ZBBX: variants seen among roughly 807,000 people sequenced by gnomAD.
ZBBX encodes zinc finger B-box domain-containing protein 1.
In ZBBX, 101 loss-of-function variants were observed where a neutral mutation model predicts 108.5. That is an observed-to-expected ratio of 0.93 (90% CI 0.79 to 1.10). The LOEUF (loss-of-function observed/expected upper bound fraction) is 1.10. Ranked by LOEUF, ZBBX falls within the 50% of genes least tolerant of loss-of-function variation. ZBBX has a pLI of 0.00. For synonymous variants in ZBBX, 356 were observed against 323.4 expected, an observed-to-expected ratio of 1.10 and a Z score of -1.08; for missense variants, 1,009 against 941.4, an observed-to-expected ratio of 1.07 and a Z score of -0.94.
chr3:167,386,708 A>G (rs1438782752), intron 1 of ZBBX, among the ~76,000 whole-genome samples: 1 of 152,052 alleles, frequency 6.6e-6, no homozygotes, highest in Non-Finnish European at 1.5e-5. Context: ...AAAAAGAAAA[A>G]AGCTGGCATT....
At chr3:167,365,461 T>C (rs956431265) in intron 6 of ZBBX, among the ~76,000 whole-genome samples, 1 of 151,732 alleles carries the variant, frequency 6.6e-6, no homozygotes, top group Non-Finnish European at 1.5e-5. Flanking sequence ...GAATCAACAG[T>C]ATATGAATAA....
At position 167,301,612 on chromosome 3, in the gene ZBBX, C is replaced by T. The variant is rs548484436; in HGVS notation, c.1726-3154G>A. 2.6e-5 allele frequency among the ~76,000 whole-genome samples: 4 copies of T among 152,166 alleles called. No individual in the cohort carries two copies. The East Asian group carries it at 7.7e-4, about 29-fold the overall frequency. On this transcript the variant is annotated intron_variant, in intron 17 of 21. Transcript: ENST00000675490. ...ACATTATTTACCTGTGATGTTTTTG[C>T]TTACATTCAGTTCTAAATATTTCTA...
chr3:167,271,952 C>A (rs141556190), intron 20 of ZBBX, among the ~76,000 whole-genome samples: 2,128 of 152,328 alleles, frequency 0.014, 26 homozygotes, highest in South Asian at 0.026. Context: ...CTGACTCAGA[C>A]AATGGAACCC....
At chr3:167,328,489 G>T (rs920506875) in intron 10 of ZBBX, among the ~76,000 whole-genome samples, 58 of 150,960 alleles carry the variant, frequency 3.8e-4, no homozygotes, top group African/African-American at 1.2e-3. Flanking sequence ...AAAAAACAGG[G>T]TTTTTTTTTA....
intron 20 of ZBBX, among the ~76,000 whole-genome samples, chr3:167,277,706 C>A (rs550501714): frequency 6.6e-6 from 1 of 152,076 alleles, no homozygotes; most frequent in African/African-American, 2.4e-5. Context: ...AGAAAGTCAA[C>A]AAGGATACCC....
rs975345169 is a variant in ZBBX at position 167,403,565 on chromosome 3, C to T, written c.-446+4161G>A. Among the ~76,000 whole-genome samples the T allele has an allele frequency of 4.6e-5, 7 of 151,988 alleles. No individual in the cohort carries two copies. In the South Asian group the frequency reaches 1.0e-3, roughly 22 times the overall value. On this transcript the variant is annotated intron_variant, in intron 1 of 21. Transcript: ENST00000455345. ...TTTCTCCTAATTTGTTTGAAAGACA[C>T]TTCACTATTTAAAATGAAACATTTA...
At chr3:167,218,694 A>G in the ZBBX span, among the ~76,000 whole-genome samples, 1 of 152,152 alleles carries the variant, frequency 6.6e-6, no homozygotes, top group Non-Finnish European at 1.5e-5. Flanking sequence ...ACTAAAAAAA[A>G]GAGAGTGAGA....
intron 4 of ZBBX, 126 bp from the exon 5 acceptor site, chr3:167,368,700 T>C: frequency 7.8e-7 from 1 of 1,286,712 alleles, no homozygotes; most frequent in Non-Finnish European, 9.8e-7. Flanking sequence ...ATTTCTTTTG[T>C]ACTTCTCCGA....
intron 1 of ZBBX, among the ~76,000 whole-genome samples, chr3:167,388,323 A>T (rs1232103779): frequency 2.0e-5 from 3 of 151,972 alleles, no homozygotes; most frequent in African/African-American, 7.2e-5. Flanking sequence ...GCAGTAAGAT[A>T]GGAGATGAAG....
chr3:167,295,706 T>A (rs1731524156), intron 18 of ZBBX, among the ~76,000 whole-genome samples: 1 of 82,348 alleles, frequency 1.2e-5, no homozygotes, highest in Admixed American at 1.8e-4. Flanking sequence ...AAACAAAAAA[T>A]TGGAATATAT....
intron 8 of ZBBX, among the ~76,000 whole-genome samples, chr3:167,358,031 A>G (rs13090406): frequency 0.76 from 115,123 of 151,826 alleles, 44,189 homozygotes; most frequent in East Asian, 0.93. Flanking sequence ...TGTTGTTGAG[A>G]GGGGAGGGAT....
intron 9 of ZBBX, among the ~76,000 whole-genome samples, chr3:167,343,784 T>A (rs1290200831): frequency 6.6e-6 from 1 of 151,912 alleles, no homozygotes; most frequent in African/African-American, 2.4e-5. Flanking sequence ...TGCAATATAC[T>A]GCAGCCACTT....
intron 19 of ZBBX, among the ~76,000 whole-genome samples, chr3:167,287,150 G>C (rs1576896886): frequency 1.3e-5 from 2 of 151,812 alleles, no homozygotes; most frequent in South Asian, 4.2e-4. Flanking sequence ...AACTATTATA[G>C]CTGATAGGAC....
intron 4 of ZBBX, 167 bp from the exon 5 acceptor site, chr3:167,368,741 C>A (rs1172104751): frequency 7.9e-7 from 1 of 1,268,286 alleles, no homozygotes; most frequent in African/African-American, 1.6e-5. Context: ...CATTTGCCTT[C>A]CATCAAAATC....
intron 1 of ZBBX, among the ~76,000 whole-genome samples, chr3:167,405,823 G>T (rs865921966): frequency 6.6e-6 from 1 of 152,192 alleles, no homozygotes; most frequent in Non-Finnish European, 1.5e-5. Flanking sequence ...TGTAATCCCA[G>T]CACTTTGTGA....
chr3:167,315,074 G>T (rs1735210560), intron 15 of ZBBX, among the ~76,000 whole-genome samples: 2 of 152,134 alleles, frequency 1.3e-5, no homozygotes, highest in Non-Finnish European at 2.9e-5. Context: ...GCAAAATGTG[G>T]ACGGGGGCCT....
chr3:167,243,273 C>G (rs1189521778), intron 20 of ZBBX, among the ~76,000 whole-genome samples: 2 of 152,174 alleles, frequency 1.3e-5, no homozygotes, highest in South Asian at 2.1e-4. Flanking sequence ...AACTAAATAT[C>G]ATTGTATATT....
chr3:167,227,078 A>G, the ZBBX span, among the ~76,000 whole-genome samples: 1 of 151,838 alleles, frequency 6.6e-6, no homozygotes, highest in African/African-American at 2.4e-5. Flanking sequence ...CTCAGAAGCC[A>G]GCTTATTTCT....
At chr3:167,185,434 T>C in the ZBBX span, among the ~76,000 whole-genome samples, 6 of 152,156 alleles carry the variant, frequency 3.9e-5, no homozygotes, top group Non-Finnish European at 8.8e-5. Context: ...ATTCTATATT[T>C]TGATTGTGGT....
Sources: gnomAD v4.1 joint callset for allele counts (sites outside exome capture counted in the v4.1 genomes callset) on GRCh38, gnomAD v4.1.1 for gene constraint, MANE v1.5 for transcripts, NCBI Gene and HGNC (gene_info 2026-07-23, HGNC 2026-07-21) for gene names.